The following YTHDC2 variants were observed in gnomAD, a reference collection of about 807,000 sequenced individuals.
YTHDC2 encodes the protein 3'-5' RNA helicase YTHDC2.
YTHDC2 carries 45 observed loss-of-function variants against 174.9 expected under a neutral mutation model. The ratio of observed to expected loss-of-function variants is 0.26; its 90% CI spans 0.20 to 0.33. YTHDC2 has a LOEUF of 0.33. Ranked by LOEUF, YTHDC2 falls within the 10% of genes least tolerant of loss-of-function variation. The pLI, the probability that YTHDC2 is intolerant of heterozygous loss-of-function variation, is 1.00. For synonymous variants in YTHDC2, 657 were observed against 574.5 expected, an observed-to-expected ratio of 1.14 and a Z score of -2.05; for missense variants, 1,650 against 1,723.7, an observed-to-expected ratio of 0.96 and a Z score of 0.76.
Position 113,516,207 on chromosome 5 carries a change from A to G in YTHDC2, c.278+845A>G, listed in dbSNP as rs116471874. On this transcript the variant is annotated intron_variant, in intron 2 of 29. Coordinates refer to ENST00000161863, the MANE Select transcript of YTHDC2 (RefSeq NM_022828.5). ...AAATGGATGTACAAAAGATAGTTGC[A>G]ATTATTTATGGAACTTACTTCTTTT... 6.6e-3 allele frequency among the ~76,000 whole-genome samples: 1,012 copies of G among 152,318 alleles called. 7 individuals carry two copies. Among genetic ancestry groups the G allele is most frequent in the African/African-American group, 0.023 (944 of 41,570 alleles).
At chr5:113,531,232 T>C (rs1008897369) in intron 4 of YTHDC2, among the ~76,000 whole-genome samples, 2 of 152,210 alleles carry the variant, frequency 1.3e-5, no homozygotes, top group African/African-American at 2.4e-5. Context: ...CCGCAGATCC[T>C]GACCCAGTGA....
At chr5:113,565,861 T>A in intron 20 of YTHDC2, 32 bp from the exon 21 acceptor site, 1 of 1,598,218 alleles carries the variant, frequency 6.3e-7, no homozygotes, top group South Asian at 1.1e-5. Context: ...TTAGTAAATG[T>A]GTCTTGTTAT....
In YTHDC2 at chr5:113,581,463, T is replaced by G; in HGVS notation, c.3401T>G (p.Phe1134Cys). The G allele has an allele frequency of 6.2e-7, 1 of 1,613,184 alleles. No homozygotes were observed. The change falls in exon 25 of 30, where the codon TTT becomes TGT. Residue 1134 changes from phenylalanine to cysteine, a missense_variant. This residue lies in a region of YTHDC2 where 913 missense variants were observed against 940.4 expected (regional missense o/e 0.97). Transcript: ENST00000161863. ...LQLRQKWHSL[F>C]LRRMRAPSKP... ...CTCAGACAGAAGTGGCATAGCTTAT[T>G]TTTACGCCGAATGAGAGCTCCATCT...
chr5:113,578,218 G>T (rs538964408), intron 23 of YTHDC2, among the ~76,000 whole-genome samples: 33 of 146,524 alleles, frequency 2.3e-4, no homozygotes, highest in Non-Finnish European at 2.6e-4. Context: ...TAAGAGACAG[G>T]GTTTCACTCT....
chr5:113,531,757 A>G (rs1005075976), intron 4 of YTHDC2, among the ~76,000 whole-genome samples: 1 of 152,184 alleles, frequency 6.6e-6, no homozygotes, highest in Non-Finnish European at 1.5e-5. Flanking sequence ...TTTTACTCAC[A>G]GTTTAAAAAA....
chr5:113,584,535 C>A, intron 26 of YTHDC2, 56 bp downstream of exon 26: 1 of 1,363,730 alleles, frequency 7.3e-7, no homozygotes, highest in Non-Finnish European at 9.9e-7. Context: ...ACATGTAATC[C>A]TAGGTAAATA....
In YTHDC2 at chr5:113,527,923, T is replaced by C. The variant is rs1774382363; in HGVS notation, c.675+1138T>C. Among the ~76,000 whole-genome samples the C allele has an allele frequency of 2.0e-5, 3 of 152,156 alleles. No homozygotes were observed. In the South Asian group the frequency reaches 6.2e-4, roughly 32 times the overall value. ...CTCCTGGCTCAGCCTCCTGAGTAACTGGGATTACAGGCACCCGCCACCACG... is the reference window on the plus strand; with the variant it reads ...CTCCTGGCTCAGCCTCCTGAGTAACCGGGATTACAGGCACCCGCCACCACG... On this transcript the variant is annotated intron_variant, in intron 4 of 29. Coordinates refer to ENST00000161863, the MANE Select transcript of YTHDC2 (RefSeq NM_022828.5).
At chr5:113,589,405 AAAAAT>A (rs1318746208) in intron 26 of YTHDC2, among the ~76,000 whole-genome samples, 35 of 120,428 alleles carry the variant, frequency 2.9e-4, no homozygotes, top group African/African-American at 1.2e-3. Context: ...TAAAAAAAAA[AAAAAT>A]ATATATATAT....
Position 113,563,985 on chromosome 5 carries a change from A to C in YTHDC2, c.2569A>C (p.Ile857Leu). 6.2e-7 allele frequency: 1 copy of C among 1,614,148 alleles called. No individual in the cohort carries two copies. The highest frequency in any genetic ancestry group is 8.5e-7 in the Non-Finnish European group (1 of 1,180,002). Residue 857 changes from isoleucine to leucine, a missense_variant, in exon 20 of 30, where the codon ATC (isoleucine) becomes CTC (leucine). By Grantham distance (5) the Ile-to-Leu change is conservative. Around this residue, in one of 5 missense-constraint regions of YTHDC2, gnomAD observed 913 missense variants for 940.4 expected, o/e 0.97. Coordinates refer to ENST00000161863, the MANE Select transcript of YTHDC2 (RefSeq NM_022828.5). ...CAVVLKCLDP[I>L]LTIACTLAYR... ...TGTTGTTTTAAAGTGTCTGGACCCC[A>C]TCCTTACAATTGCTTGCACACTAGC...
At chr5:113,515,717 C>G (rs1274797016) in intron 2 of YTHDC2, among the ~76,000 whole-genome samples, 3 of 151,966 alleles carry the variant, frequency 2.0e-5, no homozygotes, top group Non-Finnish European at 4.4e-5. Flanking sequence ...GGGGAGAACT[C>G]GATAGTAACT....
chr5:113,579,647 G>A lies in YTHDC2; in HGVS notation c.3306G>A (p.Leu1102=). ...TGGAGGACAAAACTACAGCTAATTT[G>A]GCAGCCTTGAAACTTGATGAGTGGC... ...SEMEDKTTAN[L]AALKLDEWLH... is the part of the protein sequence containing the mutation. The change falls in exon 24 of 30, where the codon TTG becomes TTA. Residue 1102 remains leucine (L), a synonymous_variant. Coordinates refer to ENST00000161863, the MANE Select transcript of YTHDC2 (RefSeq NM_022828.5). The A allele has an allele frequency of 6.2e-7, 1 of 1,610,638 alleles. No homozygotes were observed.
chr5:113,558,948 G>A (rs1008113913), intron 17 of YTHDC2, among the ~76,000 whole-genome samples: 10 of 149,774 alleles, frequency 6.7e-5, no homozygotes, highest in African/African-American at 2.5e-4. Flanking sequence ...GAAAATCTAA[G>A]TAGAGCTGTC....
Position 113,526,688 on chromosome 5 carries a change from T to C in YTHDC2, c.578T>C (p.Leu193Ser). The change falls in exon 4 of 30, where the codon TTA becomes TCA. Residue 193 changes from leucine (L) to serine (S), a missense_variant. Around this residue, in one of 5 missense-constraint regions of YTHDC2, gnomAD observed 304 missense variants for 341.4 expected, o/e 0.89. Transcript: ENST00000161863. ...GAATTTGATTCTTTTAGGCAGTCTTTACCAGTGTTTGAGAAACAGGAAGAA... is the reference window on the plus strand; with the variant it reads ...GAATTTGATTCTTTTAGGCAGTCTTCACCAGTGTTTGAGAAACAGGAAGAA... Reference protein sequence around the residue: ...ESEFDSFRQSLPVFEKQEEIV... With the variant: ...ESEFDSFRQSSPVFEKQEEIV... The C allele has an allele frequency of 6.3e-7, 1 of 1,595,478 alleles. No individual in the cohort carries two copies. The highest frequency in any genetic ancestry group is 1.1e-5 in the South Asian group (1 of 88,592).
At chr5:113,527,906 T>C (rs1774379939) in intron 4 of YTHDC2, among the ~76,000 whole-genome samples, 1 of 152,108 alleles carries the variant, frequency 6.6e-6, no homozygotes, top group Non-Finnish European at 1.5e-5. Context: ...TTCTCCTGGC[T>C]CAGCCTCCTG....
intron 5 of YTHDC2, among the ~76,000 whole-genome samples, chr5:113,533,636 C>G (rs1561637730): frequency 2.6e-5 from 4 of 151,804 alleles, no homozygotes. Flanking sequence ...TAAAATGAGT[C>G]AAAGAAAAGC....
At chr5:113,522,991 T>C (rs1467626055) in intron 2 of YTHDC2, among the ~76,000 whole-genome samples, 1 of 152,158 alleles carries the variant, frequency 6.6e-6, no homozygotes, top group Admixed American at 6.5e-5. Context: ...TTTTAATACC[T>C]AAATGCTATA....
At chr5:113,567,426 A>ATC (rs1561684152) in intron 22 of YTHDC2, 129 bp downstream of exon 22, 4 of 375,584 alleles carry the variant, frequency 1.1e-5, no homozygotes, top group Non-Finnish European at 1.6e-5. Flanking sequence ...ATATATATAT[A>ATC]TCATTAAATA....
intron 12 of YTHDC2, among the ~76,000 whole-genome samples, chr5:113,551,965 A>ATAT (rs1776278748): frequency 6.6e-6 from 1 of 152,154 alleles, no homozygotes; most frequent in Admixed American, 6.5e-5. Context: ...TCAGTAATTT[A>ATAT]TGTTGATTCT....
intron 23 of YTHDC2, among the ~76,000 whole-genome samples, chr5:113,574,250 C>T (rs1777902468): frequency 6.6e-6 from 1 of 152,140 alleles, no homozygotes; most frequent in Non-Finnish European, 1.5e-5. Flanking sequence ...CCCACCAGAC[C>T]TCAGTTGCCT....
Sources: gnomAD v4.1 joint callset for allele counts (sites outside exome capture counted in the v4.1 genomes callset) on GRCh38, gnomAD v4.1.1 for gene constraint, gnomAD v4.1.1 regional missense constraint, MANE v1.5 for transcripts, NCBI Gene and HGNC (gene_info 2026-07-23, HGNC 2026-07-21) for gene names.